Variants in PDE11A observed in about 807,000 individuals in gnomAD.
PDE11A encodes the protein dual 3',5'-cyclic-AMP and -GMP phosphodiesterase 11A.
PDE11A carries 100 observed loss-of-function variants against 100.5 expected under a neutral mutation model. The ratio of observed to expected loss-of-function variants is 1.00; its 90% confidence interval spans 0.85 to 1.18. The LOEUF (loss-of-function observed/expected upper bound fraction) is 1.18. Among genes scored for constraint, PDE11A ranks in the 50% most tolerant of loss-of-function variants. The probability of loss-of-function intolerance (pLI) is 0.00; values close to 1 mark genes in which losing one functional copy is unlikely to be tolerated. For missense variants in PDE11A, 1,141 were observed against 1,152.6 expected (o/e 0.99, Z 0.15); for synonymous variants, 381 against 420.8 (o/e 0.91, Z 1.16).
chr2:177,913,595 G>A (rs1299169767), intron 2 of PDE11A, among the ~76,000 whole-genome samples: 1 of 152,136 alleles, frequency 6.6e-6, no homozygotes, highest in African/African-American at 2.4e-5. Flanking sequence ...TATGGCTACA[G>A]TCACACAATA....
chr2:178,094,049 C>T (rs533621097), intron 2 of PDE11A, among the ~76,000 whole-genome samples: 2 of 152,102 alleles, frequency 1.3e-5, no homozygotes, highest in Non-Finnish European at 2.9e-5. Context: ...AAACTCAGAC[C>T]ATCATCCTTA....
At chr2:177,916,988 G>A (rs902786915) in intron 2 of PDE11A, among the ~76,000 whole-genome samples, 8 of 140,404 alleles carry the variant, frequency 5.7e-5, no homozygotes, top group African/African-American at 2.2e-4. Flanking sequence ...GTATTAGCCA[G>A]GATGGTCTTG....
intron 2 of PDE11A, among the ~76,000 whole-genome samples, chr2:178,012,798 C>A (rs2086287384): frequency 6.6e-6 from 1 of 152,070 alleles, no homozygotes; most frequent in Non-Finnish European, 1.5e-5. Flanking sequence ...GCAGGACTAC[C>A]ATCTGTGTAC....
Position 178,072,385 on chromosome 2 carries a change from T to C in PDE11A, c.53A>G (p.His18Arg). The C allele has an allele frequency of 6.2e-7, 1 of 1,613,830 alleles. No homozygotes were observed. Among genetic ancestry groups the C allele is most frequent in the Non-Finnish European group, 8.5e-7 (1 of 1,180,040 alleles). Residue 18 changes from histidine to arginine, a missense_variant, in exon 1 of 20, where the codon CAC becomes CGC. By Grantham distance (29) the His-to-Arg change is conservative. Coordinates refer to ENST00000286063, the MANE Select transcript of PDE11A (RefSeq NM_016953.4). ...CAAGTAATCTTCAAACAACTCTGGG[T>C]GCCTGTCCAGGAAAGTTTCCACCTC... ...FGEVETFLDR[H>R]PELFEDYLMR...
chr2:177,817,878 C>T lies in PDE11A; in HGVS notation c.1624G>A (p.Ala542Thr). Residue 542 changes from alanine (A) to threonine (T), a missense_variant, in exon 8 of 20, where the codon GCA (alanine) becomes ACA (threonine). Ala to Thr is a moderately conservative substitution (Grantham distance 58). Transcript: ENST00000286063. ...NRLDGKPFDDADQRLFEAFVI... is the reference protein window; with the variant it reads ...NRLDGKPFDDTDQRLFEAFVI... ...CTTACCTCAAAAAGTCGTTGATCTG[C>T]ATCATCAAAAGGTTTCCCATCAAGT... The T allele has an allele frequency of 2.0e-6, 3 of 1,534,012 alleles. No homozygotes were observed. Among genetic ancestry groups the T allele is most frequent in the East Asian group, 2.2e-5 (1 of 44,498 alleles).
Position 177,991,246 on chromosome 2 carries a change from G to A in PDE11A, c.1071+23056C>T, listed in dbSNP as rs1366653270. On this transcript the variant is annotated intron_variant, in intron 2 of 19. Transcript: ENST00000286063. The stretch of plus-strand genomic sequence containing the variant: ...ATTGGGAGGCTGAGGCAGGAGAATC[G>A]CTTGAACCTGGGAGGCGGAGGTTGC... Among the ~76,000 whole-genome samples the A allele has an allele frequency of 4.0e-5, 6 of 149,670 alleles. 1 individual carries two copies. Among genetic ancestry groups the A allele is most frequent in the East Asian group, 4.0e-4 (2 of 4,996 alleles).
chr2:178,050,468 C>A (rs2105856662), intron 1 of PDE11A, among the ~76,000 whole-genome samples: 1 of 152,252 alleles, frequency 6.6e-6, no homozygotes, highest in South Asian at 2.1e-4. Context: ...GAACGCAGCT[C>A]CTCACCAGCA....
At chr2:178,000,975 C>T (rs1032030705) in intron 2 of PDE11A, among the ~76,000 whole-genome samples, 2 of 152,074 alleles carry the variant, frequency 1.3e-5, no homozygotes, top group African/African-American at 4.8e-5. Flanking sequence ...ATGTGGTGTG[C>T]CAAGACAGAC....
upstream of PDE11A, among the ~76,000 whole-genome samples, chr2:178,077,698 T>C (rs2087225511): frequency 6.6e-6 from 1 of 152,210 alleles, no homozygotes; most frequent in Non-Finnish European, 1.5e-5. Context: ...TTTGCAGATG[T>C]AATTAAAGAT....
chr2:177,786,995 C>T (rs1394076778), intron 9 of PDE11A, among the ~76,000 whole-genome samples: 2 of 146,020 alleles, frequency 1.4e-5, no homozygotes, highest in East Asian at 2.0e-4. Flanking sequence ...CTTCCCCAAT[C>T]TAGCAAGGCA....
intron 2 of PDE11A, among the ~76,000 whole-genome samples, chr2:177,959,442 G>A (rs982382947): frequency 1.3e-5 from 2 of 152,146 alleles, no homozygotes. Context: ...AGAATACATA[G>A]TCATGGAGCA....
intron 1 of PDE11A, among the ~76,000 whole-genome samples, chr2:178,046,868 G>C (rs796388509): frequency 9.2e-5 from 14 of 152,246 alleles, no homozygotes; most frequent in African/African-American, 3.4e-4. Context: ...CTTACAGTTG[G>C]AAAAGCCAGG....
At chr2:177,998,780 C>T (rs1289238662) in intron 2 of PDE11A, 1 of 743,696 alleles carries the variant, frequency 1.3e-6, no homozygotes, top group Non-Finnish European at 2.4e-6. Flanking sequence ...TGGTGAGCGA[C>T]AAGCCCAGGG....
At chr2:177,739,124 A>G (rs2081835894) in intron 10 of PDE11A, among the ~76,000 whole-genome samples, 1 of 152,204 alleles carries the variant, frequency 6.6e-6, no homozygotes, top group Admixed American at 6.5e-5. Context: ...GTGAAATGGT[A>G]GAGAACAATG....
At chr2:177,840,434 CTT>C (rs753942080) in intron 5 of PDE11A, 51 bp from the exon 6 acceptor site, 8 of 1,560,328 alleles carry the variant, frequency 5.1e-6, no homozygotes, top group Non-Finnish European at 7.1e-6. Context: ...CGTAAGTTTT[CTT>C]GAAAGGAAAC....
intron 14 of PDE11A, among the ~76,000 whole-genome samples, chr2:177,697,995 G>A (rs1248624842): frequency 6.6e-6 from 1 of 152,166 alleles, no homozygotes; most frequent in Non-Finnish European, 1.5e-5. Context: ...GGTGCTACTG[G>A]CATCTAGCAG....
chr2:177,912,391 C>A (rs1399385682), intron 2 of PDE11A, among the ~76,000 whole-genome samples: 1 of 152,186 alleles, frequency 6.6e-6, no homozygotes, highest in Non-Finnish European at 1.5e-5. Context: ...GGCAGAGATG[C>A]TGAATTCAGT....
intron 9 of PDE11A, among the ~76,000 whole-genome samples, chr2:177,781,982 C>T (rs1247437150): frequency 2.0e-5 from 3 of 152,080 alleles, no homozygotes; most frequent in South Asian, 2.1e-4. Flanking sequence ...ATGTCATTAC[C>T]CAGATTAAAA....
chr2:177,767,061 G>A (rs2082249781), intron 10 of PDE11A, among the ~76,000 whole-genome samples: 1 of 152,182 alleles, frequency 6.6e-6, no homozygotes, highest in East Asian at 1.9e-4. Flanking sequence ...GCCAGGCATG[G>A]TGGCTCATGC....
Sources: allele counts gnomAD v4.1 joint callset (sites outside exome capture counted in the v4.1 genomes callset), GRCh38; gene constraint gnomAD v4.1.1; transcripts MANE v1.5; gene names NCBI Gene and HGNC (gene_info 2026-07-23, HGNC 2026-07-21).